The following SP140L variants were observed in gnomAD, a reference collection of about 807,000 sequenced individuals.
SP140L encodes the protein nuclear body protein SP140-like protein.
In SP140L, 64 loss-of-function variants were observed where a neutral mutation model predicts 84.3. That is an observed-to-expected ratio of 0.76 (90% CI 0.62 to 0.94). The LOEUF (loss-of-function observed/expected upper bound fraction) is 0.94. Among genes scored for constraint, SP140L ranks in the 40% least tolerant of loss-of-function variants. The pLI is 0.00. For synonymous variants in SP140L, 242 were observed against 236.9 expected, an observed-to-expected ratio of 1.02 and a Z score of -0.20; for missense variants, 628 against 692.5, an observed-to-expected ratio of 0.91 and a Z score of 1.05.
intron 1 of SP140L, among the ~76,000 whole-genome samples, 151 bp downstream of exon 1, chr2:230,327,452 TA>T (rs1341664503): frequency 6.6e-6 from 1 of 152,216 alleles, no homozygotes; most frequent in African/African-American, 2.4e-5. Flanking sequence ...AAAGAGAATG[TA>T]ATAAGGAAAT....
chr2:230,359,987 T>TTTGGTATTGGTGCTATACCAAACTAAAGC, intron 4 of SP140L, among the ~76,000 whole-genome samples: 4 of 150,724 alleles, frequency 2.7e-5, no homozygotes, highest in Admixed American at 6.6e-5. Flanking sequence ...CAAACTAAAG[T>TTTGGTATTGGTGCTATACCAAACTAAAGC]TTTGATTCTT....
intron 2 of SP140L, among the ~76,000 whole-genome samples, chr2:230,351,713 C>T (rs2060369746): frequency 6.6e-6 from 1 of 152,082 alleles, no homozygotes; most frequent in Admixed American, 6.6e-5. Context: ...GTGGTGTGAC[C>T]TCGGCTTACT....
intron 2 of SP140L, among the ~76,000 whole-genome samples, chr2:230,335,998 A>G (rs1384025754): frequency 6.6e-6 from 1 of 152,224 alleles, no homozygotes; most frequent in Non-Finnish European, 1.5e-5. Context: ...TGAACCCAAT[A>G]TGGCCAGGAC....
At chr2:230,400,043 A>C in intron 14 of SP140L, 84 bp from the exon 15 acceptor site, 1 of 1,400,008 alleles carries the variant, frequency 7.1e-7, no homozygotes, top group Non-Finnish European at 1.0e-6. Context: ...GCTCACACAT[A>C]AGCAGTGTGT....
chr2:230,366,887 C>A (rs2060895952), intron 5 of SP140L, among the ~76,000 whole-genome samples: 2 of 151,950 alleles, frequency 1.3e-5, no homozygotes, highest in Admixed American at 6.6e-5. Flanking sequence ...CGCATGCCAC[C>A]AAGCCTGGCT....
chr2:230,393,317 A>G (rs2061903819), intron 12 of SP140L, 97 bp from the exon 13 acceptor site: 14 of 1,363,210 alleles, frequency 1.0e-5, no homozygotes, highest in Non-Finnish European at 1.4e-5. Flanking sequence ...TGGCATTGGA[A>G]CACTCAGGTA....
intron 12 of SP140L, among the ~76,000 whole-genome samples, chr2:230,393,156 T>G (rs568811332): frequency 3.4e-4 from 52 of 152,104 alleles, no homozygotes; most frequent in Non-Finnish European, 6.2e-4. Flanking sequence ...GGTATGAGAT[T>G]ATGAATGAAA....
At chr2:230,335,396 T>C (rs2059839734) in intron 2 of SP140L, among the ~76,000 whole-genome samples, 1 of 152,222 alleles carries the variant, frequency 6.6e-6, no homozygotes, top group East Asian at 1.9e-4. Flanking sequence ...TACAGTGTTT[T>C]CACTGGAGTT....
At chr2:230,400,364 G>C in intron 15 of SP140L, 122 bp downstream of exon 15, 1 of 941,486 alleles carries the variant, frequency 1.1e-6, no homozygotes, top group Non-Finnish European at 1.6e-6. Context: ...TCGGGTACTG[G>C]GACCCAGCAG....
At chr2:230,381,484 G>A (rs1420615450) in intron 7 of SP140L, among the ~76,000 whole-genome samples, 2 of 152,172 alleles carry the variant, frequency 1.3e-5, no homozygotes, top group African/African-American at 4.8e-5. Flanking sequence ...ATTTCCTCAT[G>A]AAGACACTAC....
At chr2:230,393,332 T>C in intron 12 of SP140L, 82 bp from the exon 13 acceptor site, 47 of 1,447,632 alleles carry the variant, frequency 3.2e-5, no homozygotes, top group Non-Finnish European at 4.4e-5. Flanking sequence ...CAGGTAGAAG[T>C]ATTTGGGAAG....
intron 7 of SP140L, among the ~76,000 whole-genome samples, chr2:230,372,896 A>G (rs1383182200): frequency 6.6e-6 from 1 of 152,190 alleles, no homozygotes; most frequent in African/African-American, 2.4e-5. Flanking sequence ...AAAGTTCTTG[A>G]AGGAAATTAA....
intron 2 of SP140L, among the ~76,000 whole-genome samples, chr2:230,333,923 G>GTT (rs1025021046): frequency 1.3e-5 from 2 of 152,038 alleles, no homozygotes; most frequent in African/African-American, 4.8e-5. Flanking sequence ...GCATCTTGTT[G>GTT]TTGTTGTTTC....
intron 10 of SP140L, 159 bp downstream of exon 10, chr2:230,388,792 C>A: frequency 1.4e-6 from 1 of 727,196 alleles, no homozygotes. Context: ...CAAAATGTAT[C>A]AAGGAAAGAA....
chr2:230,374,121 G>A (rs1312715874), intron 7 of SP140L, among the ~76,000 whole-genome samples: 1 of 152,148 alleles, frequency 6.6e-6, no homozygotes, highest in Non-Finnish European at 1.5e-5. Context: ...TTCAAGACCA[G>A]CCTGGCCAAT....
intron 14 of SP140L, chr2:230,399,891 T>A (rs2062233324): frequency 2.6e-6 from 1 of 386,492 alleles, no homozygotes. Context: ...TGTCATAATC[T>A]CTGGTTTTAT....
chr2:230,352,207 T>C (rs1452512837), intron 2 of SP140L, among the ~76,000 whole-genome samples: 2 of 152,184 alleles, frequency 1.3e-5, no homozygotes, highest in African/African-American at 4.8e-5. Context: ...AAATAAGAAC[T>C]AGTAAGTTTT....
At chr2:230,348,641 T>C (rs1353332688) in intron 2 of SP140L, among the ~76,000 whole-genome samples, 1 of 152,238 alleles carries the variant, frequency 6.6e-6, no homozygotes, top group African/African-American at 2.4e-5. Context: ...TATAATTGGC[T>C]AATATTTTCT....
In SP140L at chr2:230,361,056, T is replaced by C. The variant is rs572540237; in HGVS notation, c.440-558T>C. Among the ~76,000 whole-genome samples, 3 of 152,250 alleles carry C rather than the reference T, an allele frequency of 2.0e-5. No homozygotes were observed. The East Asian group carries it at 5.8e-4, about 29-fold the overall frequency. ...CCTTGACTTCCTGGACTCAAGCAGTTCTCCCGCTTCAGCCTTCTGAGTAGC... is the reference window on the plus strand; with the variant it reads ...CCTTGACTTCCTGGACTCAAGCAGTCCTCCCGCTTCAGCCTTCTGAGTAGC... On this transcript the variant is annotated intron_variant, in intron 4 of 18. Transcript: ENST00000415673.
Sources: allele counts gnomAD v4.1 joint callset (sites outside exome capture counted in the v4.1 genomes callset), GRCh38; gene constraint gnomAD v4.1.1; transcripts MANE v1.5; gene names NCBI Gene and HGNC (gene_info 2026-07-23, HGNC 2026-07-21).